APBA1: variants seen among roughly 807,000 people sequenced by gnomAD.
APBA1 encodes amyloid beta precursor protein binding family A member 1.
A neutral mutation model predicts 86.6 loss-of-function variants in APBA1; 55 were observed. That is an observed-to-expected ratio of 0.64 (90% CI 0.51 to 0.80). The LOEUF (loss-of-function observed/expected upper bound fraction) is 0.80. Among genes scored for constraint, APBA1 ranks in the 30% least tolerant of loss-of-function variants. The probability of loss-of-function intolerance (pLI) is 0.00; values close to 1 mark genes in which losing one functional copy is unlikely to be tolerated. For missense variants in APBA1, 1,090 were observed against 1,183.0 expected (o/e 0.92, Z 1.15); for synonymous variants, 511 against 493.9 (o/e 1.03, Z -0.46).
chr9:69,461,042 T>C (rs192957911), intron 5 of APBA1: 112 of 152,328 alleles, frequency 7.4e-4, no homozygotes, highest in African/African-American at 2.7e-3. Context: ...GAAACAGTTT[T>C]TATGAAGTTA....
intron 10 of APBA1, among the ~76,000 whole-genome samples, chr9:69,449,040 A>C (rs1383051349): frequency 6.6e-6 from 1 of 152,154 alleles, no homozygotes; most frequent in African/African-American, 2.4e-5. Flanking sequence ...GCTTCCATGG[A>C]CTGGAAGAGA....
chr9:69,594,215 CT>C (rs1451215323), intron 1 of APBA1, among the ~76,000 whole-genome samples: 1 of 152,102 alleles, frequency 6.6e-6, no homozygotes, highest in African/African-American at 2.4e-5. Context: ...GCTGCTCAAA[CT>C]TCAATGTGCC....
At chr9:69,532,647 T>A (rs938128848) in intron 1 of APBA1, among the ~76,000 whole-genome samples, 1 of 152,198 alleles carries the variant, frequency 6.6e-6, no homozygotes, top group Non-Finnish European at 1.5e-5. Context: ...TTTCAGTGTG[T>A]GCTTTGGTGA....
At chr9:69,510,782 T>C (rs1421541504) in intron 2 of APBA1, among the ~76,000 whole-genome samples, 1 of 146,580 alleles carries the variant, frequency 6.8e-6, no homozygotes, top group Non-Finnish European at 1.5e-5. Flanking sequence ...TCTACAACTA[T>C]CTGATCTTTG....
At chr9:69,500,773 CTA>C (rs1347852439) in intron 2 of APBA1, among the ~76,000 whole-genome samples, 2 of 152,054 alleles carry the variant, frequency 1.3e-5, no homozygotes, top group African/African-American at 4.8e-5. Context: ...GCCTTGAAAT[CTA>C]TGTTTAAAGA....
In APBA1 at chr9:69,516,409, C is replaced by CCTCCT; in HGVS notation, c.797_801dup (p.Glu268ArgfsTer8). The CCTCCT allele has an allele frequency of 6.2e-7, 1 of 1,604,942 alleles. No individual in the cohort carries two copies. The highest frequency in any genetic ancestry group is 8.5e-7 in the Non-Finnish European group (1 of 1,178,750). On this transcript the variant is annotated frameshift_variant, in exon 2 of 13. Transcript: ENST00000265381. LOFTEE classifies it high-confidence loss of function. This position sits in a 1 kb window ranked among gnomAD's most constrained non-coding sequence, Gnocchi z 7.3. ...TCGGCCACTATCTGGTCGATGTCCT[C>CCTCCT]CTCCTGCTCGTAGCTGTCCATGCGC...
At chr9:69,446,904 G>A (rs1834918991) in intron 10 of APBA1, among the ~76,000 whole-genome samples, 1 of 152,158 alleles carries the variant, frequency 6.6e-6, no homozygotes, top group Non-Finnish European at 1.5e-5. Flanking sequence ...CTTTACTTAA[G>A]TCCTCCCCTT....
chr9:69,450,489 AGTGT>A (rs1417475797), intron 9 of APBA1, among the ~76,000 whole-genome samples: 1 of 152,126 alleles, frequency 6.6e-6, no homozygotes, highest in Non-Finnish European at 1.5e-5. Context: ...CACCCAACAG[AGTGT>A]GTATGTGTAT....
chr9:69,556,874 T>C (rs771485372), intron 1 of APBA1, among the ~76,000 whole-genome samples: 40 of 151,984 alleles, frequency 2.6e-4, no homozygotes, highest in Non-Finnish European at 1.5e-4. Flanking sequence ...AATAATGGAG[T>C]CATTTCAAGC....
chr9:69,580,493 A>G (rs1214101481), intron 1 of APBA1, among the ~76,000 whole-genome samples: 2 of 152,292 alleles, frequency 1.3e-5, no homozygotes, highest in Admixed American at 6.5e-5. Flanking sequence ...CAATATTCCA[A>G]TGGTCATGAC....
intron 1 of APBA1, among the ~76,000 whole-genome samples, chr9:69,635,901 T>C (rs564086670): frequency 1.8e-4 from 28 of 151,966 alleles, no homozygotes; most frequent in Middle Eastern, 3.4e-3. Flanking sequence ...AAAGCAAAAA[T>C]GGACAAATGT....
At chr9:69,442,476 G>C (rs1408208637) in intron 10 of APBA1, among the ~76,000 whole-genome samples, 1 of 152,142 alleles carries the variant, frequency 6.6e-6, no homozygotes, top group Admixed American at 6.6e-5. Context: ...GGGGTGGGTG[G>C]GAGGAGAGGT....
At chr9:69,440,862 C>G in intron 11 of APBA1, 134 bp downstream of exon 11, 1 of 1,172,632 alleles carries the variant, frequency 8.5e-7, no homozygotes, top group East Asian at 2.4e-5. Context: ...AATTACCCGT[C>G]TTCTGCATCA....
intron 1 of APBA1, among the ~76,000 whole-genome samples, chr9:69,566,573 C>T (rs959715336): frequency 1.3e-5 from 2 of 152,182 alleles, no homozygotes; most frequent in African/African-American, 2.4e-5. Flanking sequence ...TTTCGCATCT[C>T]AGAATGAAAT....
At position 69,511,870 on chromosome 9, in the gene APBA1, C is replaced by T. The variant is rs1283888654; in HGVS notation, c.1200+4141G>A. Among the ~76,000 whole-genome samples the T allele has an allele frequency of 2.1e-5, 3 of 145,630 alleles. No individual in the cohort carries two copies. The East Asian group carries it at 6.1e-4, about 30-fold the overall frequency. On this transcript the variant is annotated intron_variant, in intron 2 of 12. Coordinates refer to ENST00000265381, the MANE Select transcript of APBA1 (RefSeq NM_001163.4). ...TTCTCACTCATAGGCGGGAATTGAACAATGAGATCACATGGACACAGGAAG... is the reference window on the plus strand; with the variant it reads ...TTCTCACTCATAGGCGGGAATTGAATAATGAGATCACATGGACACAGGAAG...
intron 2 of APBA1, among the ~76,000 whole-genome samples, chr9:69,502,732 T>A (rs1057259101): frequency 6.6e-6 from 1 of 151,996 alleles, no homozygotes; most frequent in African/African-American, 2.4e-5. Context: ...TAAAGACCAT[T>A]TACCTACATA....
intron 1 of APBA1, among the ~76,000 whole-genome samples, chr9:69,571,170 T>G (rs1837108793): frequency 6.6e-6 from 1 of 152,208 alleles, no homozygotes; most frequent in South Asian, 2.1e-4. Flanking sequence ...ATGTTACCTG[T>G]TGAATGAATG....
chr9:69,446,483 G>A (rs1482508167), intron 10 of APBA1, among the ~76,000 whole-genome samples: 1 of 152,178 alleles, frequency 6.6e-6, no homozygotes, highest in East Asian at 1.9e-4. Context: ...GTTCTATAGA[G>A]ATTACATTTA....
chr9:69,543,786 G>A (rs1564072429), intron 1 of APBA1, among the ~76,000 whole-genome samples: 1 of 152,258 alleles, frequency 6.6e-6, no homozygotes, highest in East Asian at 1.9e-4. Context: ...CCAGAATCTG[G>A]TCTTAATAAT....
Sources: allele counts gnomAD v4.1 joint callset (sites outside exome capture counted in the v4.1 genomes callset), GRCh38; gene constraint gnomAD v4.1.1; non-coding constraint Gnocchi (gnomAD v3.1); transcripts MANE v1.5; gene names NCBI Gene and HGNC (gene_info 2026-07-23, HGNC 2026-07-21).